Variants in ASB5 observed in about 807,000 individuals in gnomAD.
ASB5 encodes the protein ankyrin repeat and SOCS box protein 5.
Under a neutral mutation model 42.1 loss-of-function variants are expected in ASB5, and 45 were observed. The observed-to-expected ratio is 1.07, with a 90% confidence interval of 0.84 to 1.37. The LOEUF (loss-of-function observed/expected upper bound fraction) is 1.37. Ranked by LOEUF, ASB5 falls within the 40% of genes most tolerant of loss-of-function variation. ASB5 has a pLI of 0.00. For missense variants in ASB5, 402 were observed against 399.8 expected (o/e 1.01, Z -0.05); for synonymous variants, 147 against 150.6 (o/e 0.98, Z 0.18).
At chr4:176,238,068 A>G (rs1192874419) in intron 1 of ASB5, among the ~76,000 whole-genome samples, 2 of 152,112 alleles carry the variant, frequency 1.3e-5, no homozygotes, top group African/African-American at 4.8e-5. Context: ...CTAAAAATAC[A>G]AAAATTAGCT....
chr4:176,224,001 G>A (rs1367015733), intron 2 of ASB5, among the ~76,000 whole-genome samples: 2 of 152,014 alleles, frequency 1.3e-5, no homozygotes, highest in Non-Finnish European at 2.9e-5. Context: ...GAACTGGAAG[G>A]CCCTAAGGAA....
intron 1 of ASB5, among the ~76,000 whole-genome samples, chr4:176,248,578 A>G (rs886694384): frequency 6.2e-4 from 95 of 152,178 alleles, no homozygotes; most frequent in African/African-American, 2.2e-3. Context: ...TTCTAGAGCT[A>G]TAAAAACTTA....
At chr4:176,265,266 A>G (rs553814178) in intron 1 of ASB5, among the ~76,000 whole-genome samples, 2 of 152,234 alleles carry the variant, frequency 1.3e-5, no homozygotes, top group African/African-American at 4.8e-5. Context: ...ATGTGCACCC[A>G]TAAATCCATG....
At position 176,221,244 on chromosome 4, in the gene ASB5, A is replaced by G. The variant is rs1753195900; in HGVS notation, c.581T>C (p.Val194Ala). 1.2e-6 allele frequency: 2 copies of G among 1,614,174 alleles called. No individual in the cohort carries two copies. The highest frequency in any genetic ancestry group is 1.7e-6 in the Non-Finnish European group (2 of 1,180,004). ...LDILISWGID[V>A]DQEIPHLGTP... ...TCCCAAATGAGGAATTTCTTGGTCA[A>G]CATCTATGCCCCAGGATATCAGGAT... Residue 194 changes from valine to alanine, a missense_variant, in exon 5 of 7, where the codon GTT becomes GCT. Coordinates refer to ENST00000296525, the MANE Select transcript of ASB5 (RefSeq NM_080874.4).
At chr4:176,231,932 A>G (rs1419399845) in intron 1 of ASB5, among the ~76,000 whole-genome samples, 1 of 152,044 alleles carries the variant, frequency 6.6e-6, no homozygotes, top group African/African-American at 2.4e-5. Flanking sequence ...TGTGGACTCA[A>G]TAGAGAGCTA....
intron 1 of ASB5, among the ~76,000 whole-genome samples, chr4:176,261,867 T>C (rs1754273493): frequency 6.6e-6 from 1 of 151,908 alleles, no homozygotes; most frequent in African/African-American, 2.4e-5. Context: ...GGCAAACATA[T>C]ACATATATAT....
At chr4:176,234,777 A>G (rs1182326488) in intron 1 of ASB5, among the ~76,000 whole-genome samples, 1 of 152,140 alleles carries the variant, frequency 6.6e-6, no homozygotes, top group Non-Finnish European at 1.5e-5. Context: ...TGACTCTATC[A>G]CATATTGGCT....
rs550739267 is a variant in ASB5, at chr4:176,249,853, C to G, written c.196+19060G>C. Among the ~76,000 whole-genome samples the G allele has an allele frequency of 2.4e-3, 365 of 152,046 alleles. 3 individuals carry two copies. Among genetic ancestry groups the G allele is most frequent in the African/African-American group, 8.1e-3 (338 of 41,502 alleles). ...GGCCGAGGCGGGTGGATCACGAGGT[C>G]AGGAGATGGAGACCATCCTGGCTAA... On this transcript the variant is annotated intron_variant, in intron 1 of 6. Coordinates refer to ENST00000296525, the MANE Select transcript of ASB5 (RefSeq NM_080874.4).
chr4:176,216,032 C>T (rs1752959423), intron 6 of ASB5, among the ~76,000 whole-genome samples: 1 of 151,754 alleles, frequency 6.6e-6, no homozygotes, highest in African/African-American at 2.4e-5. Flanking sequence ...AATCAAAAGT[C>T]CTGAGAAGTA....
chr4:176,237,922 G>A (rs749705974), intron 1 of ASB5, among the ~76,000 whole-genome samples: 1 of 152,176 alleles, frequency 6.6e-6, no homozygotes, highest in Non-Finnish European at 1.5e-5. Context: ...TCAGGAGTAA[G>A]TATGAGATGT....
At chr4:176,218,057 A>G (rs1460058527) in intron 5 of ASB5, among the ~76,000 whole-genome samples, 1 of 150,110 alleles carries the variant, frequency 6.7e-6, no homozygotes, top group Admixed American at 6.8e-5. Flanking sequence ...TTTGTTGGTT[A>G]TGTCAATTTT....
intron 1 of ASB5, among the ~76,000 whole-genome samples, chr4:176,230,375 A>C (rs1753504088): frequency 6.6e-6 from 1 of 152,214 alleles, no homozygotes; most frequent in South Asian, 2.1e-4. Context: ...AATATATATA[A>C]GCCAGCAACC....
intron 1 of ASB5, among the ~76,000 whole-genome samples, chr4:176,246,760 C>T (rs73871944): frequency 0.087 from 13,190 of 152,158 alleles, 594 homozygotes; most frequent in African/African-American, 0.097. Context: ...GACAGAATGT[C>T]GAAGGCTTTC....
At chr4:176,263,789 C>T (rs1251031337) in intron 1 of ASB5, among the ~76,000 whole-genome samples, 1 of 152,170 alleles carries the variant, frequency 6.6e-6, no homozygotes, top group African/African-American at 2.4e-5. Context: ...AAACAAGTTG[C>T]TCCTCAGAAA....
intron 1 of ASB5, among the ~76,000 whole-genome samples, chr4:176,259,194 A>C (rs1190342930): frequency 3.9e-5 from 6 of 152,188 alleles, no homozygotes; most frequent in African/African-American, 1.4e-4. Context: ...TGGATGCAAC[A>C]GATCTGCGAC....
In ASB5 at chr4:176,216,927, T is replaced by G. The variant is rs767097092; in HGVS notation, c.753A>C (p.Leu251Phe). Residue 251 changes from leucine (L) to phenylalanine (F), a missense_variant, in exon 6 of 7, where the codon TTA (leucine) becomes TTC (phenylalanine). Physicochemically the swap from Leu to Phe is conservative, Grantham distance 22. Transcript: ENST00000296525. ...AQQSSTEIVN[L>F]LLEFGADINA... ...TGATATCTGCTCCAAATTCTAGCAG[T>G]AAGTTTACAATTTCTGTGCTGGATT... 7.0e-5 allele frequency: 113 copies of G among 1,613,912 alleles called. No homozygotes were observed. The highest frequency in any genetic ancestry group is 4.9e-4 in the Middle Eastern group (3 of 6,084).
intron 1 of ASB5, among the ~76,000 whole-genome samples, chr4:176,255,899 T>C (rs1446219306): frequency 6.6e-6 from 1 of 152,206 alleles, no homozygotes; most frequent in African/African-American, 2.4e-5. Context: ...ATAGCAATTA[T>C]GCTACAATAC....
chr4:176,224,905 T>C (rs1753333035), intron 2 of ASB5, among the ~76,000 whole-genome samples: 1 of 152,348 alleles, frequency 6.6e-6, no homozygotes, highest in African/African-American at 2.4e-5. Flanking sequence ...GACTTCTTTT[T>C]GGATATGTTA....
upstream of ASB5, among the ~76,000 whole-genome samples, chr4:176,272,871 G>A (rs941460924): frequency 2.0e-5 from 3 of 151,530 alleles, no homozygotes; most frequent in Non-Finnish European, 2.9e-5. Context: ...AATAAAAATT[G>A]CGTGTTTCTA....
Sources: allele counts gnomAD v4.1 joint callset (sites outside exome capture counted in the v4.1 genomes callset), GRCh38; gene constraint gnomAD v4.1.1; transcripts MANE v1.5; gene names NCBI Gene and HGNC (gene_info 2026-07-23, HGNC 2026-07-21).